ANXA2: variants seen among roughly 807,000 people sequenced by gnomAD.
The protein encoded by ANXA2 is annexin II.
Under a neutral mutation model 47.3 loss-of-function variants are expected in ANXA2, and 28 were observed. The observed-to-expected ratio is 0.59, with a 90% confidence interval of 0.44 to 0.81. The LOEUF is 0.81. Ranked by LOEUF, ANXA2 falls within the 40% of genes least tolerant of loss-of-function variation. ANXA2 has a pLI of 0.00. For missense variants in ANXA2, 384 were observed against 414.3 expected (o/e 0.93, Z 0.64); for synonymous variants, 172 against 155.5 (o/e 1.11, Z -0.79).
chr15:60,358,885 T>G (rs1163064618), intron 5 of ANXA2, among the ~76,000 whole-genome samples: 2 of 152,320 alleles, frequency 1.3e-5, no homozygotes, highest in African/African-American at 4.8e-5. Context: ...TGTGTTTCCT[T>G]CCATCACTGA....
chr15:60,375,094 A>G (rs1018178983), intron 3 of ANXA2, among the ~76,000 whole-genome samples: 1 of 152,204 alleles, frequency 6.6e-6, no homozygotes, highest in Non-Finnish European at 1.5e-5. Context: ...AAAAATATCC[A>G]TCCTGGCTTG....
At chr15:60,364,129 G>C (rs559501047) in intron 4 of ANXA2, among the ~76,000 whole-genome samples, 2 of 152,140 alleles carry the variant, frequency 1.3e-5, no homozygotes, top group Non-Finnish European at 2.9e-5. Flanking sequence ...TCAGATCAAC[G>C]GTGGCATGAG....
At chr15:60,388,735 C>CTTTT (rs1162065382) in intron 1 of ANXA2, among the ~76,000 whole-genome samples, 1 of 134,014 alleles carries the variant, frequency 7.5e-6, no homozygotes, top group Non-Finnish European at 1.6e-5. Context: ...ACACCTAGAC[C>CTTTT]TTTTTTTTTT....
chr15:60,348,037 T>C (rs1403868846), intron 12 of ANXA2, among the ~76,000 whole-genome samples: 1 of 152,204 alleles, frequency 6.6e-6, no homozygotes, highest in African/African-American at 2.4e-5. Context: ...CTCGTCCTCG[T>C]CTTTCCACAG....
At chr15:60,373,199 T>G (rs1469758664) in intron 3 of ANXA2, among the ~76,000 whole-genome samples, 2 of 152,142 alleles carry the variant, frequency 1.3e-5, no homozygotes, top group Non-Finnish European at 2.9e-5. Context: ...TGGGCTGAAA[T>G]TTTTACATAC....
intron 1 of ANXA2, among the ~76,000 whole-genome samples, chr15:60,388,165 G>A (rs373679094): frequency 6.6e-6 from 1 of 151,412 alleles, no homozygotes; most frequent in Non-Finnish European, 1.5e-5. Flanking sequence ...TCCAGCCTGG[G>A]CAACAAGAGC....
chr15:60,349,102 G>A lies in ANXA2; in HGVS notation c.933C>T (p.Tyr311=), dbSNP rs986357327. 12 of 1,613,936 alleles carry A rather than the reference G, an allele frequency of 7.4e-6. No individual in the cohort carries two copies. Among genetic ancestry groups the A allele is most frequent in the African/African-American group, 6.7e-5 (5 of 74,918 alleles). The change falls in exon 12 of 13, where the codon TAC becomes TAT. Residue 311 remains tyrosine, a synonymous_variant. Coordinates refer to ENST00000451270, the MANE Select transcript of ANXA2 (RefSeq NM_004039.3). ...LKIRSEFKRK[Y]GKSLYYYIQQ... Reference sequence around the variant, plus strand: ...GGATATAATAGTACAGGGACTTGCCGTACTTTCTCTTGAATTCAGACCTAA... The same window carrying A: ...GGATATAATAGTACAGGGACTTGCCATACTTTCTCTTGAATTCAGACCTAA...
intron 3 of ANXA2, among the ~76,000 whole-genome samples, chr15:60,377,578 G>T (rs547205320): frequency 6.6e-6 from 1 of 152,090 alleles, no homozygotes; most frequent in African/African-American, 2.4e-5. Context: ...ATTATATTAA[G>T]TGTGTAATAG....
intron 5 of ANXA2, among the ~76,000 whole-genome samples, chr15:60,357,880 A>T (rs528194503): frequency 9.9e-5 from 15 of 151,972 alleles, no homozygotes; most frequent in Admixed American, 9.8e-4. Flanking sequence ...TGCTGTGGGT[A>T]GATAAAGTAA....
At chr15:60,383,721 C>CT (rs1262791665) in intron 2 of ANXA2, 1 of 145,764 alleles carries the variant, frequency 6.9e-6, no homozygotes, top group Non-Finnish European at 1.5e-5. Flanking sequence ...CCCACCCCAA[C>CT]CCCCCCAGCA....
intron 1 of ANXA2, 71 bp downstream of exon 1, chr15:60,397,872 C>G (rs779903896): frequency 1.4e-6 from 2 of 1,382,488 alleles, no homozygotes; most frequent in Admixed American, 6.2e-5. Context: ...AGGCCGTACC[C>G]TTCTTCCCAG....
At chr15:60,370,068 C>T (rs1471722976) in intron 3 of ANXA2, among the ~76,000 whole-genome samples, 2 of 152,106 alleles carry the variant, frequency 1.3e-5, no homozygotes, top group East Asian at 1.9e-4. Flanking sequence ...GGGTGGTTAA[C>T]GTGAATCTTA....
chr15:60,376,626 C>CT (rs1039191986), intron 3 of ANXA2, among the ~76,000 whole-genome samples: 11 of 152,312 alleles, frequency 7.2e-5, no homozygotes, highest in Admixed American at 5.9e-4. Flanking sequence ...CCTCTCTCCT[C>CT]TAACAGAGGG....
At chr15:60,380,136 A>G (rs1376362149) in intron 3 of ANXA2, among the ~76,000 whole-genome samples, 2 of 152,194 alleles carry the variant, frequency 1.3e-5, no homozygotes, top group Non-Finnish European at 2.9e-5. Context: ...GTGTATGTGC[A>G]TGTGTGTGTG....
At chr15:60,351,349 G>T in intron 10 of ANXA2, 98 bp from the exon 11 acceptor site, 1 of 1,232,722 alleles carries the variant, frequency 8.1e-7, no homozygotes, top group Non-Finnish European at 1.2e-6. Context: ...AACCAGAAGT[G>T]ACCTAATGCA....
chr15:60,390,385 T>TA (rs1668883508), intron 1 of ANXA2: 6 of 671,140 alleles, frequency 8.9e-6, no homozygotes, highest in South Asian at 4.6e-5. Context: ...TGAACATTCC[T>TA]AAAACCCACT....
At chr15:60,393,740 C>T (rs548026892) in intron 1 of ANXA2, 1 of 947,978 alleles carries the variant, frequency 1.1e-6, no homozygotes, top group African/African-American at 1.8e-5. Flanking sequence ...TGTGTCTGTG[C>T]AACATTAGAG....
intron 1 of ANXA2, among the ~76,000 whole-genome samples, chr15:60,391,897 GAAAAA>G (rs10552250): frequency 6.7e-6 from 1 of 148,204 alleles, no homozygotes; most frequent in African/African-American, 2.5e-5. Context: ...TCTCCAACAA[GAAAAA>G]AAAAAAAAAA....
chr15:60,380,968 GT>G lies in ANXA2; in HGVS notation c.148+1373del, dbSNP rs1262451909. 9.9e-5 allele frequency among the ~76,000 whole-genome samples: 15 copies of G among 152,094 alleles called. No homozygotes were observed. In the East Asian group the frequency reaches 2.1e-3, roughly 21 times the overall value. ...TGATGCAAATAAATCCTCACATCTT[GT>G]TAGAACCATAGAACGTTAAGCGGGT... On this transcript the variant is annotated intron_variant, in intron 3 of 12. Coordinates refer to ENST00000451270, the MANE Select transcript of ANXA2 (RefSeq NM_004039.3).
Sources: allele counts gnomAD v4.1 joint callset (sites outside exome capture counted in the v4.1 genomes callset), GRCh38; gene constraint gnomAD v4.1.1; transcripts MANE v1.5; gene names NCBI Gene and HGNC (gene_info 2026-07-23, HGNC 2026-07-21).